The following KDM6A variants were observed in gnomAD, a reference collection of about 807,000 sequenced individuals.
The protein encoded by KDM6A is lysine demethylase 6A.
KDM6A carries 11 observed loss-of-function variants against 117.6 expected under a neutral mutation model. That is an observed-to-expected ratio of 0.09 (90% CI 0.06 to 0.15). The LOEUF (loss-of-function observed/expected upper bound fraction) is 0.15. Among genes scored for constraint, KDM6A ranks in the 10% least tolerant of loss-of-function variants. KDM6A has a pLI of 1.00. For missense variants in KDM6A, 799 were observed against 1,077.3 expected (o/e 0.74, Z 3.62); for synonymous variants, 384 against 396.1 (o/e 0.97, Z 0.36).
intron 5 of KDM6A, among the ~76,000 whole-genome samples, chrX:45,016,988 A>G (rs1361011002): frequency 9.0e-6 from 1 of 111,500 alleles, no homozygotes; most frequent in Admixed American, 9.5e-5. Context: ...TTGAGGTTTT[A>G]GCTTTATATC....
chrX:45,009,797 TAG>T (rs1263793846), intron 4 of KDM6A, among the ~76,000 whole-genome samples: 1 of 111,671 alleles, frequency 9.0e-6, no homozygotes, highest in African/African-American at 3.3e-5. Flanking sequence ...CCCAGTTGCC[TAG>T]AGTCATAATC....
chrX:45,050,714 C>G (rs1181404367), intron 8 of KDM6A, among the ~76,000 whole-genome samples: 1 of 109,989 alleles, frequency 9.1e-6, no homozygotes, highest in Non-Finnish European at 1.9e-5. Flanking sequence ...TTAGTTTTTT[C>G]CTTTTGTTTT....
At chrX:44,997,343 T>C (rs1265997115) in intron 4 of KDM6A, among the ~76,000 whole-genome samples, 1 of 112,004 alleles carries the variant, frequency 8.9e-6, no homozygotes, top group Non-Finnish European at 1.9e-5. Context: ...CCAGCTCTCC[T>C]CCGACTGCGC....
At chrX:45,006,872 A>C (rs1044962243) in intron 4 of KDM6A, among the ~76,000 whole-genome samples, 5 of 109,398 alleles carry the variant, frequency 4.6e-5, no homozygotes, top group East Asian at 5.8e-4. Context: ...TGGAGGTTAC[A>C]GTGAGCCGAG....
chrX:44,920,866 C>A (rs1602197219), intron 2 of KDM6A, among the ~76,000 whole-genome samples: 1 of 98,840 alleles, frequency 1.0e-5, no homozygotes, highest in African/African-American at 3.7e-5. Context: ...TCTTTTTTTT[C>A]TTTTCTTTTT....
intron 2 of KDM6A, among the ~76,000 whole-genome samples, chrX:44,903,486 T>A (rs760034492): frequency 2.1e-4 from 24 of 112,227 alleles, no homozygotes; most frequent in African/African-American, 7.4e-4. Context: ...TAATTTTTTT[T>A]ATTACATTTG....
At chrX:45,106,230 A>T (rs1170349355) in intron 27 of KDM6A, among the ~76,000 whole-genome samples, 1 of 111,971 alleles carries the variant, frequency 8.9e-6, no homozygotes, top group Non-Finnish European at 1.9e-5. Flanking sequence ...ATATTTGTTA[A>T]GTAAGCTAAC....
At chrX:44,997,885 A>C (rs1418236083) in intron 4 of KDM6A, among the ~76,000 whole-genome samples, 5 of 112,009 alleles carry the variant, frequency 4.5e-5, no homozygotes, top group Admixed American at 9.5e-5. Context: ...GAGGAAGCAA[A>C]CATGGTTAAA....
chrX:44,891,566 T>C (rs1283134308), intron 2 of KDM6A, among the ~76,000 whole-genome samples: 1 of 112,189 alleles, frequency 8.9e-6, no homozygotes, highest in Non-Finnish European at 1.9e-5. Context: ...AATGCTTGTT[T>C]TCCGGTGCTG....
chrX:44,990,510 G>A (rs143982569), intron 4 of KDM6A, among the ~76,000 whole-genome samples: 5,274 of 108,935 alleles, frequency 0.048, 335 homozygotes, highest in African/African-American at 0.17. Flanking sequence ...AGATTGCGCC[G>A]TTGCACTCCA....
chrX:44,921,171 C>G (rs2035911676), intron 2 of KDM6A, among the ~76,000 whole-genome samples: 1 of 111,482 alleles, frequency 9.0e-6, no homozygotes, highest in African/African-American at 3.3e-5. Context: ...GCCACTGTGC[C>G]CAGCTGCTTT....
intron 2 of KDM6A, among the ~76,000 whole-genome samples, chrX:44,933,147 A>G (rs1190464309): frequency 9.2e-6 from 1 of 108,779 alleles, no homozygotes; most frequent in African/African-American, 3.4e-5. Context: ...CTGCCTCCCA[A>G]AGTGCTGGGA....
chrX:45,000,163 T>A (rs1231613901), intron 4 of KDM6A, among the ~76,000 whole-genome samples: 1 of 112,398 alleles, frequency 8.9e-6, no homozygotes, highest in African/African-American at 3.2e-5. Flanking sequence ...TTGCCCCTAG[T>A]TGTTCAGCTA....
intron 21 of KDM6A, among the ~76,000 whole-genome samples, chrX:45,081,931 C>T (rs1028657936): frequency 9.1e-6 from 1 of 109,365 alleles, no homozygotes; most frequent in African/African-American, 3.3e-5. Context: ...GGCGCCTGCC[C>T]CCATGCCCGG....
rs1289169963 is a variant in KDM6A, at chrX:45,040,763, G to T, written c.654+3074G>T. On this transcript the variant is annotated intron_variant, in intron 8 of 29. Transcript: ENST00000611820. ...CCCTCCTGGATGGGGCGGCTGGCCG[G>T]GCGGGGGGCTGACCCCCCCAACCTC... is the stretch of plus-strand genomic sequence containing the variant. Among the ~76,000 whole-genome samples the T allele has an allele frequency of 2.1e-3, 147 of 69,516 alleles. 6 individuals carry two copies. The highest frequency in any genetic ancestry group is 8.4e-3 in the African/African-American group (141 of 16,711). The allele number at this position is 69,516 out of a possible 115,157, so 60.4% of individuals were successfully genotyped here. A position where few individuals can be genotyped will look rare whatever the true frequency, so the allele number is the denominator to read the frequency against.
At chrX:45,001,866 G>A (rs1308234614) in intron 4 of KDM6A, among the ~76,000 whole-genome samples, 1 of 110,909 alleles carries the variant, frequency 9.0e-6, no homozygotes, top group African/African-American at 3.3e-5. Flanking sequence ...CACAAGGTAG[G>A]GTCCTTCCCA....
At chrX:44,980,968 G>T (rs187363606) in intron 4 of KDM6A, among the ~76,000 whole-genome samples, 159 of 109,805 alleles carry the variant, frequency 1.4e-3, no homozygotes, top group African/African-American at 5.1e-3. Flanking sequence ...AGTTTACTTC[G>T]AGGGCTCTTC....
intron 8 of KDM6A, among the ~76,000 whole-genome samples, chrX:45,038,261 T>C (rs1210313261): frequency 8.9e-6 from 1 of 111,770 alleles, no homozygotes; most frequent in Non-Finnish European, 1.9e-5. Context: ...GTAGATCATT[T>C]GCAAGCTCAA....
chrX:44,991,696 G>T (rs1160943491), intron 4 of KDM6A, among the ~76,000 whole-genome samples: 2 of 111,593 alleles, frequency 1.8e-5, no homozygotes, highest in Non-Finnish European at 3.8e-5. Context: ...TGTTGTTGTT[G>T]TTGTTTTGAG....
Sources: allele counts gnomAD v4.1 joint callset (sites outside exome capture counted in the v4.1 genomes callset), GRCh38; gene constraint gnomAD v4.1.1; transcripts MANE v1.5; gene names NCBI Gene and HGNC (gene_info 2026-07-23, HGNC 2026-07-21).